Variants in ENTREP2 observed in about 807,000 individuals in gnomAD.
ENTREP2 encodes the protein protein ENTREP2.
At chr15:29,565,877 C>T in the ENTREP2 span, among the ~76,000 whole-genome samples, 2 of 151,672 alleles carry the variant, frequency 1.3e-5, no homozygotes, top group African/African-American at 4.8e-5. Context: ...AGGAGAATGG[C>T]ATGAACCCGG....
At chr15:29,210,510 T>C in the ENTREP2 span, among the ~76,000 whole-genome samples, 21 of 152,304 alleles carry the variant, frequency 1.4e-4, no homozygotes, top group African/African-American at 4.8e-4. Flanking sequence ...TATATTCTCA[T>C]AGGAGCGCGA....
the ENTREP2 span, among the ~76,000 whole-genome samples, chr15:29,421,431 G>A: frequency 0.089 from 13,605 of 152,200 alleles, 896 homozygotes; most frequent in East Asian, 0.31. Context: ...ATTAATCAAA[G>A]ATAGCAGAAT....
At chr15:29,211,612 G>A in the ENTREP2 span, among the ~76,000 whole-genome samples, 9 of 152,194 alleles carry the variant, frequency 5.9e-5, no homozygotes, top group South Asian at 2.1e-4. Context: ...TTGGCTGCGG[G>A]TTTGTCATAG....
the ENTREP2 span, among the ~76,000 whole-genome samples, chr15:29,413,318 A>G: frequency 1.3e-5 from 2 of 152,184 alleles, no homozygotes; most frequent in Admixed American, 1.3e-4. Flanking sequence ...TTTCTGTCTG[A>G]TAGATCAACA....
At chr15:29,615,848 T>C in the ENTREP2 span, among the ~76,000 whole-genome samples, 1 of 152,188 alleles carries the variant, frequency 6.6e-6, no homozygotes, top group African/African-American at 2.4e-5. Flanking sequence ...GCAGATTGTC[T>C]TTCTTCCCTA....
the ENTREP2 span, among the ~76,000 whole-genome samples, chr15:29,434,554 C>T: frequency 1.3e-5 from 2 of 152,052 alleles, no homozygotes; most frequent in African/African-American, 2.4e-5. Context: ...TACAGAATAC[C>T]CAGATCACAC....
At chr15:29,674,130 G>GGGC in the ENTREP2 span, among the ~76,000 whole-genome samples, 2 of 103,384 alleles carry the variant, frequency 1.9e-5, 1 homozygote, top group African/African-American at 1.1e-4. Flanking sequence ...GCAGAGGATG[G>GGGC]GGGGGGGGGG....
chr15:29,629,451 T>G, the ENTREP2 span, among the ~76,000 whole-genome samples: 1 of 152,230 alleles, frequency 6.6e-6, no homozygotes, highest in Non-Finnish European at 1.5e-5. Flanking sequence ...GTTCATAATG[T>G]TTTTTATTCA....
the ENTREP2 span, among the ~76,000 whole-genome samples, chr15:29,338,575 C>G: frequency 6.6e-6 from 1 of 152,076 alleles, no homozygotes; most frequent in East Asian, 1.9e-4. Context: ...GAGGATGTCT[C>G]TTTGTGTCGC....
the ENTREP2 span, among the ~76,000 whole-genome samples, chr15:29,595,459 T>A: frequency 6.6e-6 from 1 of 152,186 alleles, no homozygotes; most frequent in Non-Finnish European, 1.5e-5. Flanking sequence ...GTCCATACTT[T>A]GTCCAGAATT....
At chr15:29,511,213 AAAG>A in the ENTREP2 span, among the ~76,000 whole-genome samples, 1 of 152,118 alleles carries the variant, frequency 6.6e-6, no homozygotes, top group Admixed American at 6.5e-5. Flanking sequence ...AAAGAAAGAA[AAAG>A]AAGACATGCT....
At chr15:29,436,704 G>A in the ENTREP2 span, among the ~76,000 whole-genome samples, 2 of 152,130 alleles carry the variant, frequency 1.3e-5, no homozygotes. Context: ...CAAATGAAAT[G>A]CATTCGGAAG....
At chr15:29,134,781 G>T in the ENTREP2 span, among the ~76,000 whole-genome samples, 2 of 152,192 alleles carry the variant, frequency 1.3e-5, no homozygotes, top group Admixed American at 6.5e-5. Context: ...CACTGGTTGG[G>T]ACAGGGACCA....
chr15:29,591,673 C>CA, the ENTREP2 span, among the ~76,000 whole-genome samples: 1 of 151,552 alleles, frequency 6.6e-6, no homozygotes, highest in African/African-American at 2.4e-5. Flanking sequence ...CCCATCTCTG[C>CA]AAAAAATAAA....
At chr15:29,170,988 G>A in the ENTREP2 span, among the ~76,000 whole-genome samples, 11 of 152,166 alleles carry the variant, frequency 7.2e-5, no homozygotes, top group Admixed American at 3.3e-4. Context: ...GTCCTCCTGT[G>A]GTGGAAGGTG....
At chr15:29,464,855 C>T in the ENTREP2 span, among the ~76,000 whole-genome samples, 1 of 152,260 alleles carries the variant, frequency 6.6e-6, no homozygotes, top group African/African-American at 2.4e-5. Flanking sequence ...CTGACACCAT[C>T]GGGCCTGTAC....
chr15:29,473,094 C>T, the ENTREP2 span, among the ~76,000 whole-genome samples: 3 of 152,080 alleles, frequency 2.0e-5, no homozygotes, highest in Admixed American at 6.5e-5. Context: ...ACTCACTGTA[C>T]AGCTGGTTTA....
the ENTREP2 span, among the ~76,000 whole-genome samples, chr15:29,579,140 T>C: frequency 6.6e-6 from 1 of 152,200 alleles, no homozygotes; most frequent in African/African-American, 2.4e-5. Context: ...CAGAAAATAA[T>C]GGAGTAAAAT....
At chr15:29,596,247 C>T in the ENTREP2 span, among the ~76,000 whole-genome samples, 1 of 152,172 alleles carries the variant, frequency 6.6e-6, no homozygotes, top group Non-Finnish European at 1.5e-5. Context: ...ATATATAATG[C>T]TGTGTGTAAC....
Sources: gnomAD v4.1 joint callset for allele counts (sites outside exome capture counted in the v4.1 genomes callset) on GRCh38, gnomAD v4.1.1 for gene constraint, MANE v1.5 for transcripts, NCBI Gene and HGNC (gene_info 2026-07-23, HGNC 2026-07-21) for gene names.